Variants in DBI observed in about 807,000 individuals in gnomAD.
DBI encodes the protein diazepam binding inhibitor, acyl-CoA binding protein.
Under a neutral mutation model 13.0 loss-of-function variants are expected in DBI, and 12 were observed. The observed-to-expected ratio is 0.92, with a 90% CI of 0.59 to 1.49. The LOEUF is 1.49. Ranked by LOEUF, DBI falls within the 40% of genes most tolerant of loss-of-function variation. The pLI is 0.00. For synonymous variants in DBI, 37 were observed against 37.4 expected, an observed-to-expected ratio of 0.99 and a Z score of 0.04; for missense variants, 95 against 104.8, an observed-to-expected ratio of 0.91 and a Z score of 0.41.
chr2:119,370,549 T>C lies in DBI; in HGVS notation c.128-191T>C. ...AGAATACTGTTCTTCCTATTTGCTCTAGATTTTAAGTTTGGATTGGCATAC... is the reference window on the plus strand; with the variant it reads ...AGAATACTGTTCTTCCTATTTGCTCCAGATTTTAAGTTTGGATTGGCATAC... On this transcript the variant is annotated intron_variant, in intron 2 of 3. Coordinates refer to ENST00000355857, the MANE Select transcript of DBI (RefSeq NM_001079862.4). 4 of 426,116 alleles carry C rather than the reference T, an allele frequency of 9.4e-6. No individual in the cohort carries two copies. In the South Asian group the frequency reaches 2.2e-4, roughly 23 times the overall value. The allele number at this position is 426,116 out of a possible 1,614,324, so 26.4% of individuals were successfully genotyped here. A position where few individuals can be genotyped will look rare whatever the true frequency, so the allele number is the denominator to read the frequency against.
At position 119,372,326 on chromosome 2, in the gene DBI, G is replaced by T. The variant is rs754915009; in HGVS notation, c.*8G>T. The T allele has an allele frequency of 1.2e-6, 2 of 1,605,020 alleles. No homozygotes were observed. The highest frequency in any genetic ancestry group is 1.7e-6 in the Non-Finnish European group (2 of 1,171,850). On this transcript the variant is annotated 3_prime_UTR_variant, in exon 4 of 4. Transcript: ENST00000355857. ...AAAAAATACGGGATATGAGAGACTG[G>T]ATTTGGTTACTGTGCCATGTGTTTA...
Position 119,368,263 on chromosome 2 carries a change from T to C in DBI, c.85T>C (p.Tyr29His). The change falls in exon 2 of 4, where the codon TAT becomes CAT. Residue 29 changes from tyrosine to histidine, a missense_variant. Transcript: ENST00000355857. ...ATCGGATGAGGAGATGCTGTTCATC[T>C]ATGGCCACTACAAACAAGCAACTGT... ...KPSDEEMLFI[Y>H]GHYKQATVGD... 6.2e-7 allele frequency: 1 copy of C among 1,614,134 alleles called. No individual in the cohort carries two copies. Among genetic ancestry groups the C allele is most frequent in the Non-Finnish European group, 8.5e-7 (1 of 1,179,998 alleles).
At chr2:119,368,666 T>A in intron 2 of DBI, 1 of 197,422 alleles carries the variant, frequency 5.1e-6, no homozygotes, top group African/African-American at 2.3e-5. Context: ...GTTGGAGCAC[T>A]TTTTGGAGCA....
rs1237033928 is a variant in DBI, at chr2:119,368,242, G to A, written c.64G>A (p.Asp22Asn). The A allele has an allele frequency of 4.3e-6, 7 of 1,613,978 alleles. No individual in the cohort carries two copies. Among genetic ancestry groups the A allele is most frequent in the Non-Finnish European group, 5.9e-6 (7 of 1,180,038 alleles). The change falls in exon 2 of 4, where the codon GAT becomes AAT. Residue 22 changes from aspartate to asparagine, a missense_variant. Asp to Asn is a conservative substitution (Grantham distance 23). Transcript: ENST00000355857. ...EVRHLKTKPS[D>N]EEMLFIYGHY... ...TAGGCACCTTAAGACCAAGCCATCG[G>A]ATGAGGAGATGCTGTTCATCTATGG...
intron 2 of DBI, 133 bp downstream of exon 2, chr2:119,368,438 C>T: frequency 1.4e-6 from 1 of 694,494 alleles, no homozygotes; most frequent in Non-Finnish European, 2.6e-6. Flanking sequence ...GTGATGGTTC[C>T]TGAGGTGGAA....
intron 1 of DBI, chr2:119,367,522 G>A (rs372248546): frequency 7.5e-6 from 12 of 1,604,228 alleles, no homozygotes; most frequent in South Asian, 4.4e-5. Flanking sequence ...TCGCGGCCCG[G>A]GGAGAGGTGA....
chr2:119,367,138 C>T (rs749559520), intron 1 of DBI, 78 bp downstream of exon 1: 10 of 1,593,934 alleles, frequency 6.3e-6, no homozygotes, highest in Non-Finnish European at 8.5e-6. Context: ...CTGCCAGAAG[C>T]TCTCGGGCTC....
chr2:119,367,570 G>C, intron 1 of DBI: 5 of 1,614,158 alleles, frequency 3.1e-6, no homozygotes, highest in Non-Finnish European at 4.2e-6. Flanking sequence ...GTAGACCCTT[G>C]TCTGAGACCG....
At chr2:119,367,356 G>C (rs886080098) in intron 1 of DBI, 5 of 1,448,632 alleles carry the variant, frequency 3.5e-6, no homozygotes, top group Admixed American at 2.6e-5. Flanking sequence ...TGGGGGAAGG[G>C]GTTGCACGGA....
intron 3 of DBI, 68 bp from the exon 4 acceptor site, chr2:119,372,177 G>A: frequency 8.7e-7 from 1 of 1,144,164 alleles, no homozygotes; most frequent in Non-Finnish European, 1.3e-6. Context: ...AGCTGCCTGG[G>A]GCTCTGGAGG....
intron 1 of DBI, chr2:119,367,297 C>T (rs1342859455): frequency 1.4e-6 from 2 of 1,436,604 alleles, no homozygotes; most frequent in East Asian, 5.0e-5. Context: ...GGGTGGACTT[C>T]GCTGTGTAGC....
chr2:119,370,433 AT>A (rs3835892), intron 2 of DBI: 50,370 of 202,240 alleles, frequency 0.25, 6,651 homozygotes, highest in Middle Eastern at 0.34. Context: ...ATATGAATGG[AT>A]TTTTTTTTTA....
intron 1 of DBI, chr2:119,367,609 C>T: frequency 2.5e-6 from 4 of 1,614,030 alleles, no homozygotes; most frequent in Non-Finnish European, 3.4e-6. Flanking sequence ...CTGGCTCCTC[C>T]CGCCTGCCTC....
chr2:119,367,460 G>A, intron 1 of DBI: 1 of 1,579,260 alleles, frequency 6.3e-7, no homozygotes, highest in Non-Finnish European at 8.6e-7. Flanking sequence ...CCGAGAGCTT[G>A]GAGGTCAGGG....
intron 3 of DBI, among the ~76,000 whole-genome samples, chr2:119,371,364 C>T (rs1681503735): frequency 6.6e-6 from 1 of 152,210 alleles, no homozygotes; most frequent in African/African-American, 2.4e-5. Context: ...AGAGTTGGCA[C>T]CAAAGCTCCT....
chr2:119,368,042 C>T (rs1021735666), intron 1 of DBI, 146 bp from the exon 2 acceptor site: 8 of 1,551,890 alleles, frequency 5.2e-6, no homozygotes, highest in Middle Eastern at 1.7e-4. Flanking sequence ...GAGGGGCAGA[C>T]ACACTTCAGG....
intron 3 of DBI, 94 bp from the exon 4 acceptor site, chr2:119,372,151 A>G (rs1413144676): frequency 1.2e-6 from 1 of 845,976 alleles, no homozygotes; most frequent in Non-Finnish European, 2.0e-6. Flanking sequence ...AACTGAGCCT[A>G]GGAGAGTTAC....
chr2:119,370,693 C>T (rs1436926323), intron 2 of DBI, 47 bp from the exon 3 acceptor site: 3 of 1,544,256 alleles, frequency 1.9e-6, no homozygotes, highest in Non-Finnish European at 2.7e-6. Flanking sequence ...TCAAGTTCTC[C>T]ATTAGAATTT....
At chr2:119,367,281 C>A (rs1330761013) in intron 1 of DBI, 11 of 1,436,860 alleles carry the variant, frequency 7.7e-6, no homozygotes, top group East Asian at 2.5e-5. Context: ...CGGAAAGTTG[C>A]CCATGGGGTG....
Sources: allele counts gnomAD v4.1 joint callset (sites outside exome capture counted in the v4.1 genomes callset), GRCh38; gene constraint gnomAD v4.1.1; transcripts MANE v1.5; gene names NCBI Gene and HGNC (gene_info 2026-07-23, HGNC 2026-07-21).